The following CDH12 variants were observed in gnomAD, a reference collection of about 807,000 sequenced individuals.
CDH12 encodes cadherin-12.
In CDH12, 41 loss-of-function variants were observed where a neutral mutation model predicts 74.1. The observed-to-expected ratio is 0.55, with a 90% CI of 0.43 to 0.72. CDH12 has a LOEUF of 0.72. Ranked by LOEUF, CDH12 falls within the 30% of genes least tolerant of loss-of-function variation. The probability of loss-of-function intolerance (pLI) is 0.00; values close to 1 mark genes in which losing one functional copy is unlikely to be tolerated. For missense variants in CDH12, 945 were observed against 977.2 expected, an observed-to-expected ratio of 0.97 and a Z score of 0.44; for synonymous variants, 399 against 355.0, an observed-to-expected ratio of 1.12 and a Z score of -1.39.
intron 6 of CDH12, among the ~76,000 whole-genome samples, chr5:21,876,371 A>G (rs1751940382): frequency 6.6e-6 from 1 of 152,112 alleles, no homozygotes; most frequent in South Asian, 2.1e-4. Context: ...CTCTCACTCT[A>G]CATGCCTAAC....
intron 3 of CDH12, among the ~76,000 whole-genome samples, chr5:22,382,077 A>G (rs1741779843): frequency 6.8e-6 from 1 of 147,216 alleles, no homozygotes; most frequent in Non-Finnish European, 1.5e-5. Context: ...AATACATAAT[A>G]TAATAGAAAT....
Position 21,802,414 on chromosome 5 carries a change from C to G in CDH12, c.1009G>C (p.Asp337His), listed in dbSNP as rs745459673. 1 of 1,613,044 alleles carries G rather than the reference C, an allele frequency of 6.2e-7. No individual in the cohort carries two copies. Among genetic ancestry groups the G allele is most frequent in the African/African-American group, 1.3e-5 (1 of 74,916 alleles). Residue 337 changes from aspartate to histidine, a missense_variant, in exon 10 of 15, where the codon GAT (aspartate) becomes CAT (histidine). By Grantham distance (81) the Asp-to-His change is moderately conservative. Around this residue, in one of 3 missense-constraint regions of CDH12, gnomAD observed 791 missense variants for 792.8 expected, o/e 1.00. Transcript: ENST00000382254. Reference sequence around the variant, plus strand: ...GTGTATGCCTTCTTTGTTTCAAAATCTAAAGGCTGTAGTGAGGACAAATTA... The same window carrying G: ...GTGTATGCCTTCTTTGTTTCAAAATGTAAAGGCTGTAGTGAGGACAAATTA... ...EGVIKLKKPL[D>H]FETKKAYTFK...
At position 21,751,410 on chromosome 5, in the gene CDH12, G is replaced by C. The variant is rs932569254; in HGVS notation, c.*327C>G. 8.6e-6 allele frequency: 2 copies of C among 233,308 alleles called. No individual in the cohort carries two copies. The highest frequency in any genetic ancestry group is 1.7e-5 in the Non-Finnish European group (2 of 117,032). The allele number at this position is 233,308 out of a possible 1,614,324, so 14.5% of individuals were successfully genotyped here. On this transcript the variant is annotated 3_prime_UTR_variant, in exon 15 of 15. Coordinates refer to ENST00000382254, the MANE Select transcript of CDH12 (RefSeq NM_004061.5). The stretch of plus-strand genomic sequence containing the variant: ...ACCGTGATGCCACATAGCTATCTTC[G>C]TTCTAGGTTGTCATGTCAGTAAATT...
chr5:21,889,747 C>T (rs1752811720), intron 6 of CDH12: 1 of 985,014 alleles, frequency 1.0e-6, no homozygotes, highest in African/African-American at 1.7e-5. Flanking sequence ...TGTTTGCTTT[C>T]TTTCTTTCTG....
chr5:22,081,451 A>C (rs1326973810), intron 4 of CDH12, among the ~76,000 whole-genome samples: 1 of 152,122 alleles, frequency 6.6e-6, no homozygotes, highest in African/African-American at 2.4e-5. Context: ...ACTCATACCA[A>C]TCCTATTCCA....
At chr5:22,843,352 AG>A (rs1737161576) in intron 1 of CDH12, among the ~76,000 whole-genome samples, 1 of 152,044 alleles carries the variant, frequency 6.6e-6, no homozygotes, top group Middle Eastern at 3.2e-3. Context: ...TTTTCTCTGT[AG>A]TACTGTGAAA....
chr5:22,843,529 A>G (rs970402951), intron 1 of CDH12, among the ~76,000 whole-genome samples: 19 of 151,996 alleles, frequency 1.3e-4, no homozygotes, highest in African/African-American at 4.6e-4. Context: ...GGAAGGATCA[A>G]TGCCAAAAGA....
At chr5:22,571,865 A>C (rs767334857) in intron 1 of CDH12, among the ~76,000 whole-genome samples, 1 of 152,208 alleles carries the variant, frequency 6.6e-6, no homozygotes, top group Non-Finnish European at 1.5e-5. Flanking sequence ...ATGGCACTAC[A>C]AAACTATTAC....
chr5:22,032,138 T>G (rs887729150), intron 5 of CDH12, among the ~76,000 whole-genome samples: 3 of 151,574 alleles, frequency 2.0e-5, no homozygotes. Context: ...ATATCATTTA[T>G]GAACATATAT....
At chr5:22,705,240 A>G (rs1311484628) in intron 1 of CDH12, among the ~76,000 whole-genome samples, 1 of 151,490 alleles carries the variant, frequency 6.6e-6, no homozygotes, top group Admixed American at 6.6e-5. Flanking sequence ...ATATAGAAGG[A>G]GGAATTGAGA....
intron 3 of CDH12, among the ~76,000 whole-genome samples, chr5:22,255,020 T>C (rs1408164909): frequency 3.9e-5 from 6 of 151,920 alleles, no homozygotes; most frequent in African/African-American, 1.4e-4. Flanking sequence ...ATTAATTCTT[T>C]CCTCTTTATC....
intron 6 of CDH12, among the ~76,000 whole-genome samples, chr5:21,931,279 A>T (rs1266019365): frequency 1.3e-5 from 2 of 152,198 alleles, no homozygotes; most frequent in Non-Finnish European, 2.9e-5. Flanking sequence ...GAATAGAAAA[A>T]AAAATAGAAC....
intron 6 of CDH12, among the ~76,000 whole-genome samples, chr5:21,949,366 C>A (rs1201066939): frequency 6.7e-6 from 1 of 149,840 alleles, no homozygotes; most frequent in Non-Finnish European, 1.5e-5. Flanking sequence ...AGGAGAATGG[C>A]GTGAACCCAG....
chr5:22,582,786 T>C (rs991070179), intron 1 of CDH12, among the ~76,000 whole-genome samples: 4 of 152,150 alleles, frequency 2.6e-5, no homozygotes, highest in Non-Finnish European at 2.9e-5. Context: ...TGCAATTGTA[T>C]CATGTTTTCA....
intron 6 of CDH12, among the ~76,000 whole-genome samples, chr5:21,967,871 A>G (rs894702753): frequency 1.3e-5 from 2 of 152,162 alleles, no homozygotes; most frequent in Non-Finnish European, 2.9e-5. Context: ...CACAGGAGAG[A>G]TCACAAGGCC....
At chr5:22,843,299 T>C (rs1394080567) in intron 1 of CDH12, among the ~76,000 whole-genome samples, 1 of 152,062 alleles carries the variant, frequency 6.6e-6, no homozygotes, top group Non-Finnish European at 1.5e-5. Context: ...GGACCATCTT[T>C]AAATAAATTC....
intron 1 of CDH12, among the ~76,000 whole-genome samples, chr5:22,590,839 TTC>T (rs1580796307): frequency 6.6e-6 from 1 of 152,178 alleles, no homozygotes; most frequent in Non-Finnish European, 1.5e-5. Flanking sequence ...CCTATTTTCT[TTC>T]TCTGTTTCAA....
intron 3 of CDH12, among the ~76,000 whole-genome samples, chr5:22,239,430 TA>T (rs56947245): frequency 0.039 from 5,768 of 148,322 alleles, 125 homozygotes; most frequent in African/African-American, 0.057. Flanking sequence ...AGAATTCTGT[TA>T]AAAAAAAAAG....
chr5:22,009,123 A>T (rs1475277534), intron 5 of CDH12, among the ~76,000 whole-genome samples: 2 of 152,210 alleles, frequency 1.3e-5, no homozygotes, highest in Non-Finnish European at 1.5e-5. Context: ...AATGCCATCA[A>T]GAGAACATGA....
Sources: allele counts gnomAD v4.1 joint callset (sites outside exome capture counted in the v4.1 genomes callset), GRCh38; gene constraint gnomAD v4.1.1; regional missense constraint gnomAD v4.1.1; transcripts MANE v1.5; gene names NCBI Gene and HGNC (gene_info 2026-07-23, HGNC 2026-07-21).